The following FMNL3 variants were observed in gnomAD, a reference collection of about 807,000 sequenced individuals.
FMNL3 encodes formin like 3, also known as formin-like protein 3.
In FMNL3, 57 loss-of-function variants were observed where a neutral mutation model predicts 119.6. The ratio of observed to expected loss-of-function variants is 0.48; its 90% confidence interval spans 0.39 to 0.59. FMNL3 has a LOEUF of 0.59. Ranked by LOEUF, FMNL3 falls within the 20% of genes least tolerant of loss-of-function variation. The probability of loss-of-function intolerance (pLI) is 0.00; values close to 1 mark genes in which losing one functional copy is unlikely to be tolerated. For missense variants in FMNL3, 1,053 were observed against 1,323.5 expected, an observed-to-expected ratio of 0.80 and a Z score of 3.17; for synonymous variants, 491 against 507.3, an observed-to-expected ratio of 0.97 and a Z score of 0.43.
chr12:49,652,223 G>C lies in FMNL3; in HGVS notation c.1324-11C>G. Reference sequence around the variant, plus strand: ...GTTCTCATATGTCTCCTGGCAGGCAGACAGCACCATTAAGGGAAAAGTGGG... The same window carrying C: ...GTTCTCATATGTCTCCTGGCAGGCACACAGCACCATTAAGGGAAAAGTGGG... On this transcript the variant is annotated splice_polypyrimidine_tract_variant and intron_variant, in intron 13 of 25. Coordinates refer to ENST00000335154, the MANE Select transcript of FMNL3 (RefSeq NM_175736.5). 1 of 1,609,952 alleles carries C rather than the reference G, an allele frequency of 6.2e-7. No homozygotes were observed. The highest frequency in any genetic ancestry group is 8.5e-7 in the Non-Finnish European group (1 of 1,178,286).
rs1183946424 is a variant in FMNL3, at chr12:49,642,342, T to C, written c.*3473A>G. The C allele has an allele frequency of 5.0e-6, 8 of 1,613,908 alleles. No individual in the cohort carries two copies. Among genetic ancestry groups the C allele is most frequent in the Non-Finnish European group, 6.8e-6 (8 of 1,180,050 alleles). On this transcript the variant is annotated 3_prime_UTR_variant, in exon 26 of 26. Coordinates refer to ENST00000335154, the MANE Select transcript of FMNL3 (RefSeq NM_175736.5). This position sits in a 1 kb window ranked among gnomAD's most constrained non-coding sequence, Gnocchi z 5.8. ...GAAGCATGCTGAGGCAGGCTGTGCC[T>C]GCTCTGGAGCTAGGCACTGCCTGGG...
At chr12:49,700,714 CAAAAAAAA>C (rs59073094) in intron 1 of FMNL3, among the ~76,000 whole-genome samples, 1 of 64,006 alleles carries the variant, frequency 1.6e-5, no homozygotes. Flanking sequence ...GACTCCACCT[CAAAAAAAA>C]AAAAAAAAAA....
chr12:49,703,383 A>C (rs1944961222), intron 1 of FMNL3, among the ~76,000 whole-genome samples: 1 of 152,146 alleles, frequency 6.6e-6, no homozygotes, highest in Admixed American at 6.5e-5. Flanking sequence ...GGTATTCATA[A>C]AGAGGAGCTC....
chr12:49,687,216 C>T (rs1397285940), intron 1 of FMNL3, among the ~76,000 whole-genome samples: 1 of 151,882 alleles, frequency 6.6e-6, no homozygotes, highest in Non-Finnish European at 1.5e-5. Context: ...GCCTCAGCCT[C>T]CCAAGTAGCT....
At position 49,652,134 on chromosome 12, in the gene FMNL3, G is replaced by A. The variant is rs1042244326; in HGVS notation, c.1402C>T (p.Arg468Ter). ...IKEKEEAFQR[R>*]CHLEPNVRGL... Reference sequence around the variant, plus strand: ...CGGACATTTGGCTCCAAATGACATCGACGCTGAAAGGCCTCCTCCTTCTCT... The same window carrying A: ...CGGACATTTGGCTCCAAATGACATCAACGCTGAAAGGCCTCCTCCTTCTCT... Residue 468 changes from arginine to a stop codon, truncating the protein, a stop_gained, in exon 14 of 26, where the codon CGA becomes TGA. Transcript: ENST00000335154. LOFTEE classifies it high-confidence loss of function. The A allele has an allele frequency of 5.0e-6, 8 of 1,613,224 alleles. No individual in the cohort carries two copies. Among genetic ancestry groups the A allele is most frequent in the Non-Finnish European group, 6.8e-6 (8 of 1,179,720 alleles).
rs756004444 is a variant in FMNL3 at position 49,642,715 on chromosome 12, G to A, written c.*3100C>T. The A allele has an allele frequency of 2.5e-6, 4 of 1,589,168 alleles. No individual in the cohort carries two copies. Among genetic ancestry groups the A allele is most frequent in the Admixed American group, 1.8e-5 (1 of 57,090 alleles). The stretch of plus-strand genomic sequence containing the variant: ...TCCTCTGGATCTGCCTCAGGCCCTT[G>A]AACTCATTAGACCAGTTCAACAGAG... On this transcript the variant is annotated 3_prime_UTR_variant, in exon 26 of 26. Coordinates refer to ENST00000335154, the MANE Select transcript of FMNL3 (RefSeq NM_175736.5). The surrounding 1 kb of genome is among the most constrained non-coding windows in gnomAD (Gnocchi z 5.8).
At chr12:49,670,593 G>C (rs957577573) in intron 1 of FMNL3, among the ~76,000 whole-genome samples, 1 of 152,176 alleles carries the variant, frequency 6.6e-6, no homozygotes, top group South Asian at 2.1e-4. Context: ...AAGTGGGGCA[G>C]GTGAGAGAAA....
Position 49,641,988 on chromosome 12 carries a change from A to G in FMNL3, c.*3827T>C, listed in dbSNP as rs771166750. The G allele has an allele frequency of 6.2e-7, 1 of 1,613,702 alleles. No homozygotes were observed. Among genetic ancestry groups the G allele is most frequent in the Non-Finnish European group, 8.5e-7 (1 of 1,180,026 alleles). On this transcript the variant is annotated 3_prime_UTR_variant, in exon 26 of 26. Coordinates refer to ENST00000335154, the MANE Select transcript of FMNL3 (RefSeq NM_175736.5). ...TAAGCTTTGACAAGAGGGCTGCCGCACTGGACGCAGGCAACATCAAGCTGA... is the reference window on the plus strand; with the variant it reads ...TAAGCTTTGACAAGAGGGCTGCCGCGCTGGACGCAGGCAACATCAAGCTGA...
intron 1 of FMNL3, among the ~76,000 whole-genome samples, chr12:49,679,391 C>G (rs190369554): frequency 6.6e-6 from 1 of 152,220 alleles, no homozygotes; most frequent in South Asian, 2.1e-4. Context: ...CCATCTCAAC[C>G]TTCCTCATGG....
intron 1 of FMNL3, among the ~76,000 whole-genome samples, chr12:49,689,940 CCT>C (rs1015152889): frequency 6.6e-6 from 1 of 152,182 alleles, no homozygotes; most frequent in African/African-American, 2.4e-5. Flanking sequence ...GACTAAATCC[CCT>C]GTCCTCCTTA....
At chr12:49,705,993 A>G (rs1301016483) in intron 1 of FMNL3, among the ~76,000 whole-genome samples, 1 of 139,850 alleles carries the variant, frequency 7.2e-6, no homozygotes, top group Non-Finnish European at 1.5e-5. Context: ...GGCAGAGGCA[A>G]AGGCAGAGTC....
intron 1 of FMNL3, among the ~76,000 whole-genome samples, chr12:49,679,164 T>A (rs990806009): frequency 2.0e-5 from 3 of 152,116 alleles, no homozygotes; most frequent in African/African-American, 2.4e-5. Context: ...ACTATCATTA[T>A]CCCTATTTTA....
chr12:49,707,011 C>A (rs1452521116), intron 1 of FMNL3, 44 bp downstream of exon 1: 3 of 1,549,364 alleles, frequency 1.9e-6, no homozygotes, highest in Non-Finnish European at 1.7e-6. Context: ...GCGTCGGGAC[C>A]TGAGGGGCGG....
chr12:49,661,942 C>T, intron 5 of FMNL3, 24 bp downstream of exon 5: 1 of 1,611,780 alleles, frequency 6.2e-7, no homozygotes, highest in Non-Finnish European at 8.5e-7. Flanking sequence ...TGGTCCCCAA[C>T]TTCAGCCCCG....
intron 10 of FMNL3, 100 bp downstream of exon 10, chr12:49,654,810 A>G (rs1037547496): frequency 2.7e-6 from 3 of 1,111,930 alleles, no homozygotes; most frequent in Non-Finnish European, 4.0e-6. Flanking sequence ...TCTGGGCTCT[A>G]CGTGGAATAT....
rs112373407 is a variant in FMNL3 at position 49,695,818 on chromosome 12, AT to A, written c.126+11236del. Among the ~76,000 whole-genome samples the A allele has an allele frequency of 7.8e-4, 115 of 147,282 alleles. No individual in the cohort carries two copies. The South Asian group carries it at 9.0e-3, about 12-fold the overall frequency. On this transcript the variant is annotated intron_variant, in intron 1 of 25. Coordinates refer to ENST00000335154, the MANE Select transcript of FMNL3 (RefSeq NM_175736.5). ...CGAGCAGTCAAAAAAGGTACAGGTC[AT>A]TTTTTTTTTTTGTAAGGTAGAAGAG... is the stretch of plus-strand genomic sequence containing the variant.
Position 49,661,958 on chromosome 12 carries a change from G to A in FMNL3, c.452+8C>T, listed in dbSNP as rs768499295. ...GGTCCCCAACTTCAGCCCCGGGGTG[G>A]TACTCACATGACAGAACACTGGGCA... On this transcript the variant is annotated splice_region_variant and intron_variant, in intron 5 of 25. Coordinates refer to ENST00000335154, the MANE Select transcript of FMNL3 (RefSeq NM_175736.5). The A allele has an allele frequency of 1.9e-6, 3 of 1,613,726 alleles. No individual in the cohort carries two copies. Among genetic ancestry groups the A allele is most frequent in the East Asian group, 2.2e-5 (1 of 44,880 alleles).
At chr12:49,682,987 C>T (rs943120914) in intron 1 of FMNL3, among the ~76,000 whole-genome samples, 15 of 152,168 alleles carry the variant, frequency 9.9e-5, no homozygotes, top group African/African-American at 3.4e-4. Context: ...CAGGTTATCT[C>T]TAGTGTTCCC....
rs1471914947 is a variant in FMNL3 at position 49,700,253 on chromosome 12, G to A, written c.126+6802C>T. On this transcript the variant is annotated intron_variant, in intron 1 of 25. Coordinates refer to ENST00000335154, the MANE Select transcript of FMNL3 (RefSeq NM_175736.5). Reference sequence around the variant, plus strand: ...TAAAAACACAAAAAATTAGCCAGGCGTGGTGGCGGGCGCCTGTAGTCCCAG... The same window carrying A: ...TAAAAACACAAAAAATTAGCCAGGCATGGTGGCGGGCGCCTGTAGTCCCAG... Among the ~76,000 whole-genome samples the A allele has an allele frequency of 4.0e-5, 6 of 151,530 alleles. No individual in the cohort carries two copies. The South Asian group carries it at 8.4e-4, about 21-fold the overall frequency.
Sources: allele counts gnomAD v4.1 joint callset (sites outside exome capture counted in the v4.1 genomes callset), GRCh38; gene constraint gnomAD v4.1.1; non-coding constraint Gnocchi (gnomAD v3.1); transcripts MANE v1.5; gene names NCBI Gene and HGNC (gene_info 2026-07-23, HGNC 2026-07-21).